The following WDR44 variants were observed in gnomAD, a reference collection of about 807,000 sequenced individuals.
The protein encoded by WDR44 is WD repeat-containing protein 44.
A neutral mutation model predicts 65.7 loss-of-function variants in WDR44; 9 were observed. The ratio of observed to expected loss-of-function variants is 0.14; its 90% confidence interval spans 0.08 to 0.24. The LOEUF is 0.24. Among genes scored for constraint, WDR44 ranks in the 10% least tolerant of loss-of-function variants. WDR44 has a pLI of 1.00. For missense variants in WDR44, 425 were observed against 670.9 expected, an observed-to-expected ratio of 0.63 and a Z score of 4.05; for synonymous variants, 220 against 235.2, an observed-to-expected ratio of 0.94 and a Z score of 0.59.
At chrX:118,361,823 C>A (rs1029278253) in intron 1 of WDR44, among the ~76,000 whole-genome samples, 2 of 111,908 alleles carry the variant, frequency 1.8e-5, no homozygotes, top group African/African-American at 6.5e-5. Context: ...TAAGGCCATA[C>A]CACATGAGTG....
chrX:118,420,051 C>T (rs1484077624), intron 12 of WDR44, among the ~76,000 whole-genome samples: 1 of 110,162 alleles, frequency 9.1e-6, no homozygotes, highest in Non-Finnish European at 1.9e-5. Context: ...TCTACCCCCA[C>T]CCACAAATAC....
chrX:118,363,018 G>A (rs1260048345), intron 1 of WDR44, among the ~76,000 whole-genome samples: 3 of 108,089 alleles, frequency 2.8e-5, no homozygotes, highest in African/African-American at 1.0e-4. Context: ...TTACTCTCAC[G>A]GGAATACTAA....
Position 118,414,390 on chromosome X carries a change from A to C in WDR44, c.1737+3431A>C, listed in dbSNP as rs1482977064. ...ACGTATGTTTATTGTGGCACTATTC[A>C]CAATAGCAAAGTCTTGGAACCAACC... On this transcript the variant is annotated intron_variant, in intron 12 of 19. Transcript: ENST00000254029. Among the ~76,000 whole-genome samples, 3 of 107,412 alleles carry C rather than the reference A, an allele frequency of 2.8e-5. No individual in the cohort carries two copies. In the Admixed American group the frequency reaches 3.1e-4, roughly 11 times the overall value. The allele number at this position is 107,412 out of a possible 115,157, so 93.3% of individuals were successfully genotyped here. A position where few individuals can be genotyped will look rare whatever the true frequency, so the allele number is the denominator to read the frequency against.
At chrX:118,403,117 G>A (rs1158303385) in intron 8 of WDR44, among the ~76,000 whole-genome samples, 1 of 112,239 alleles carries the variant, frequency 8.9e-6, no homozygotes, top group Non-Finnish European at 1.9e-5. Flanking sequence ...GCAGGGTGGT[G>A]TGAGATTTCA....
At chrX:118,348,095 C>G (rs942192855) in intron 1 of WDR44, among the ~76,000 whole-genome samples, 1 of 111,494 alleles carries the variant, frequency 9.0e-6, no homozygotes, top group Non-Finnish European at 1.9e-5. Flanking sequence ...ATGAGCTGAT[C>G]AGTTTAGAAC....
chrX:118,352,335 TATATATATATA>T (rs2056415310), intron 1 of WDR44, among the ~76,000 whole-genome samples: 3 of 18,185 alleles, frequency 1.6e-4, no homozygotes, highest in African/African-American at 1.5e-3. Context: ...TATATATATA[TATATATATATA>T]TATATATTTT....
intron 1 of WDR44, among the ~76,000 whole-genome samples, chrX:118,350,228 G>A (rs1217662054): frequency 3.6e-5 from 4 of 111,803 alleles, no homozygotes; most frequent in African/African-American, 9.8e-5. Context: ...AAACTCCTTC[G>A]TGTAAAATGT....
chrX:118,432,858 A>G lies in WDR44; in HGVS notation c.1815A>G (p.Gly605=). 1 of 1,211,198 alleles carries G rather than the reference A, an allele frequency of 8.3e-7. No homozygotes were observed. Among genetic ancestry groups the G allele is most frequent in the Non-Finnish European group, 1.1e-6 (1 of 894,646 alleles). Residue 605 remains glycine (G), a synonymous_variant, in exon 13 of 20, where the codon GGA becomes GGG. Coordinates refer to ENST00000254029, the MANE Select transcript of WDR44 (RefSeq NM_019045.5). The part of the protein sequence containing the change: ...FRQRPFCKYK[G]HTADLLDLSW... ...AACGGCCATTTTGCAAATATAAAGG[A>G]CATACTGCTGATCTCCTTGATCTTT...
intron 2 of WDR44, among the ~76,000 whole-genome samples, chrX:118,383,818 C>T (rs2056741473): frequency 9.8e-6 from 1 of 101,644 alleles, no homozygotes; most frequent in Non-Finnish European, 2.0e-5. Context: ...CTCTCTCCAC[C>T]TTGTCAAGGT....
At chrX:118,384,052 ATTT>A (rs934462760) in intron 2 of WDR44, among the ~76,000 whole-genome samples, 5 of 105,583 alleles carry the variant, frequency 4.7e-5, no homozygotes, top group Admixed American at 4.2e-4. Context: ...GCTAATTATT[ATTT>A]TTTTTAGAGG....
At chrX:118,418,922 A>G (rs1449116899) in intron 12 of WDR44, among the ~76,000 whole-genome samples, 1 of 110,571 alleles carries the variant, frequency 9.0e-6, no homozygotes, top group East Asian at 2.9e-4. Context: ...TAGGAAGATT[A>G]TGGCTGCCTC....
intron 3 of WDR44, among the ~76,000 whole-genome samples, chrX:118,390,694 A>G (rs1199172485): frequency 9.0e-6 from 1 of 111,651 alleles, no homozygotes; most frequent in Non-Finnish European, 1.9e-5. Flanking sequence ...TCAGCCGATA[A>G]CCTTGTTTCC....
At chrX:118,413,695 G>T (rs780073855) in intron 12 of WDR44, among the ~76,000 whole-genome samples, 19 of 111,954 alleles carry the variant, frequency 1.7e-4, no homozygotes, top group Non-Finnish European at 3.0e-4. Flanking sequence ...GTGTAATTAA[G>T]TCCCAACTAT....
At chrX:118,397,263 CTCT>C (rs1369347601) in intron 7 of WDR44, among the ~76,000 whole-genome samples, 157 bp downstream of exon 7, 1 of 111,387 alleles carries the variant, frequency 9.0e-6, no homozygotes, top group Non-Finnish European at 1.9e-5. Flanking sequence ...TTTAACTTTG[CTCT>C]TCATTATGAC....
At chrX:118,363,259 G>A (rs1486183664) in intron 1 of WDR44, among the ~76,000 whole-genome samples, 3 of 107,384 alleles carry the variant, frequency 2.8e-5, no homozygotes, top group Admixed American at 1.0e-4. Context: ...AAAGTTAGCC[G>A]GGCGTGGTGG....
intron 2 of WDR44, among the ~76,000 whole-genome samples, chrX:118,385,822 A>G (rs1396191246): frequency 9.0e-6 from 1 of 111,101 alleles, no homozygotes; most frequent in African/African-American, 3.3e-5. Context: ...GGGGAGTGAT[A>G]TGAGAGGGAG....
intron 6 of WDR44, among the ~76,000 whole-genome samples, chrX:118,396,762 T>C (rs1353400870): frequency 8.9e-6 from 1 of 112,015 alleles, no homozygotes; most frequent in East Asian, 2.8e-4. Context: ...TCTGTGAATA[T>C]ACTAAAAACC....
intron 1 of WDR44, among the ~76,000 whole-genome samples, chrX:118,376,779 G>A (rs1329703514): frequency 9.0e-6 from 1 of 110,776 alleles, no homozygotes; most frequent in African/African-American, 3.3e-5. Context: ...TGAGGCGGGT[G>A]GATTGCTTGA....
chrX:118,401,068 A>C (rs2056909575), intron 8 of WDR44, among the ~76,000 whole-genome samples: 1 of 55,279 alleles, frequency 1.8e-5, no homozygotes, highest in African/African-American at 8.5e-5. Context: ...CCAGTCTATC[A>C]TTGTTGGACA....
Sources: gnomAD v4.1 joint callset for allele counts (sites outside exome capture counted in the v4.1 genomes callset) on GRCh38, gnomAD v4.1.1 for gene constraint, MANE v1.5 for transcripts, NCBI Gene and HGNC (gene_info 2026-07-23, HGNC 2026-07-21) for gene names.